Variants in SPMIP7 observed in about 807,000 individuals in gnomAD.
SPMIP7 encodes sperm microtubule inner protein 7, also known as protein SPMIP7.
the SPMIP7 span, chr7:50,120,524 T>C: frequency 2.6e-5 from 4 of 152,320 alleles, no homozygotes; most frequent in Admixed American, 2.6e-4. Flanking sequence ...ATGCTGCACT[T>C]ACCTTCACGC....
At chr7:50,099,262 T>C in the SPMIP7 span, among the ~76,000 whole-genome samples, 34 of 152,356 alleles carry the variant, frequency 2.2e-4, no homozygotes, top group African/African-American at 8.2e-4. Flanking sequence ...CTATTCATCA[T>C]TAAAAGTGCG....
At chr7:50,117,795 A>G in the SPMIP7 span, among the ~76,000 whole-genome samples, 1 of 152,228 alleles carries the variant, frequency 6.6e-6, no homozygotes, top group Non-Finnish European at 1.5e-5. Context: ...GAGCTTGTAC[A>G]TATAGCTAAA....
the SPMIP7 span, among the ~76,000 whole-genome samples, chr7:50,118,934 T>G: frequency 6.6e-6 from 1 of 152,178 alleles, no homozygotes; most frequent in African/African-American, 2.4e-5. Context: ...TAATAGAACC[T>G]CGTGTATCTT....
chr7:50,096,571 A>G, the SPMIP7 span: 1 of 1,552,022 alleles, frequency 6.4e-7, no homozygotes, highest in Admixed American at 2.0e-5. Context: ...TATCAGAAGA[A>G]CTGCAACAGA....
the SPMIP7 span, among the ~76,000 whole-genome samples, chr7:50,110,466 T>C: frequency 2.7e-5 from 4 of 146,772 alleles, no homozygotes; most frequent in East Asian, 1.9e-4. Context: ...GTATATGTGA[T>C]ATATATTTTT....
the SPMIP7 span, among the ~76,000 whole-genome samples, chr7:50,150,781 C>T: frequency 6.6e-6 from 1 of 152,210 alleles, no homozygotes; most frequent in Non-Finnish European, 1.5e-5. Context: ...TTTATACACA[C>T]TGAAGAACGG....
chr7:50,145,616 G>GTATA, the SPMIP7 span, among the ~76,000 whole-genome samples: 95 of 26,928 alleles, frequency 3.5e-3, 2 homozygotes, highest in Non-Finnish European at 4.3e-3. Flanking sequence ...GTATATGTGT[G>GTATA]TGTATATATA....
At chr7:50,111,702 T>C in the SPMIP7 span, among the ~76,000 whole-genome samples, 3 of 152,184 alleles carry the variant, frequency 2.0e-5, no homozygotes, top group Non-Finnish European at 2.9e-5. Context: ...GGAAACCCTG[T>C]CAAGGATTCT....
At chr7:50,147,221 T>C in the SPMIP7 span, among the ~76,000 whole-genome samples, 1 of 152,226 alleles carries the variant, frequency 6.6e-6, no homozygotes, top group Admixed American at 6.5e-5. Flanking sequence ...ACTATCACAT[T>C]GATTTGAACC....
chr7:50,130,562 G>C, the SPMIP7 span, among the ~76,000 whole-genome samples: 196 of 152,156 alleles, frequency 1.3e-3, no homozygotes, highest in African/African-American at 4.5e-3. Context: ...TATCAAAAGG[G>C]AAACAGACAA....
chr7:50,119,881 T>C, the SPMIP7 span, among the ~76,000 whole-genome samples: 3 of 152,234 alleles, frequency 2.0e-5, no homozygotes, highest in Non-Finnish European at 4.4e-5. Flanking sequence ...AATACTGTTA[T>C]GCATCCTTCC....
At chr7:50,142,301 A>T in the SPMIP7 span, among the ~76,000 whole-genome samples, 1 of 152,214 alleles carries the variant, frequency 6.6e-6, no homozygotes, top group Non-Finnish European at 1.5e-5. Flanking sequence ...AAAACATATT[A>T]TTTGGGGTCA....
chr7:50,096,262 A>G, the SPMIP7 span: 1 of 1,551,722 alleles, frequency 6.4e-7, no homozygotes, highest in Non-Finnish European at 8.7e-7. Context: ...TTGAAAAGAA[A>G]TGCAACCCTG....
the SPMIP7 span, among the ~76,000 whole-genome samples, chr7:50,154,112 A>G: frequency 6.6e-6 from 1 of 152,154 alleles, no homozygotes; most frequent in African/African-American, 2.4e-5. Context: ...TTAAAAAATA[A>G]ATTCTGTTGT....
At chr7:50,108,524 T>C in the SPMIP7 span, among the ~76,000 whole-genome samples, 3 of 152,104 alleles carry the variant, frequency 2.0e-5, no homozygotes, top group East Asian at 3.8e-4. Context: ...ATGTCAACTA[T>C]AGAAAATATG....
the SPMIP7 span, among the ~76,000 whole-genome samples, chr7:50,150,164 G>A: frequency 6.6e-6 from 1 of 152,136 alleles, no homozygotes; most frequent in African/African-American, 2.4e-5. Context: ...TGGCTTACTG[G>A]TCGTGTGGGA....
At chr7:50,142,791 A>G in the SPMIP7 span, 1 of 152,252 alleles carries the variant, frequency 6.6e-6, no homozygotes, top group African/African-American at 2.4e-5. Context: ...CTCAGAAGCT[A>G]TACTCATTAG....
the SPMIP7 span, among the ~76,000 whole-genome samples, chr7:50,156,538 G>T: frequency 6.6e-6 from 1 of 151,416 alleles, no homozygotes; most frequent in East Asian, 2.0e-4. Flanking sequence ...CGAGCTTCCA[G>T]TCACTTCCCC....
At chr7:50,149,441 T>C in the SPMIP7 span, among the ~76,000 whole-genome samples, 1 of 152,224 alleles carries the variant, frequency 6.6e-6, no homozygotes, top group Non-Finnish European at 1.5e-5. Flanking sequence ...AAGAGGTTAG[T>C]GTTGTCCTCT....
Sources: gnomAD v4.1 joint callset for allele counts (sites outside exome capture counted in the v4.1 genomes callset) on GRCh38, gnomAD v4.1.1 for gene constraint, MANE v1.5 for transcripts, NCBI Gene and HGNC (gene_info 2026-07-23, HGNC 2026-07-21) for gene names.